YTHDC1: variants seen among roughly 807,000 people sequenced by gnomAD.
YTHDC1 encodes YTH domain-containing protein 1.
A neutral mutation model predicts 107.0 loss-of-function variants in YTHDC1; 12 were observed. The ratio of observed to expected loss-of-function variants is 0.11; its 90% CI spans 0.07 to 0.18. The LOEUF is 0.18. Among genes scored for constraint, YTHDC1 ranks in the 10% least tolerant of loss-of-function variants. The pLI is 1.00. For missense variants in YTHDC1, 635 were observed against 898.8 expected, an observed-to-expected ratio of 0.71 and a Z score of 3.75; for synonymous variants, 280 against 289.5, an observed-to-expected ratio of 0.97 and a Z score of 0.33.
intron 1 of YTHDC1, among the ~76,000 whole-genome samples, chr4:68,339,644 A>G (rs1724599462): frequency 6.6e-6 from 1 of 152,106 alleles, no homozygotes; most frequent in African/African-American, 2.4e-5. Context: ...ATGTGACAAA[A>G]TGCTAACATC....
rs370279761 is a variant in YTHDC1, at chr4:68,316,304, G to T, written c.1959+10C>A. The T allele has an allele frequency of 2.8e-5, 45 of 1,609,204 alleles. No homozygotes were observed. The African/African-American group carries it at 4.6e-4, about 16-fold the overall frequency. The stretch of plus-strand genomic sequence containing the variant: ...AGTTCCCTCACACCTTTGCCTCCTT[G>T]TGCACTTACTACTCGTTTATCTCTG... On this transcript the variant is annotated intron_variant, in intron 16 of 16. Transcript: ENST00000344157.
At chr4:68,340,295 A>C (rs1724668554) in intron 1 of YTHDC1, among the ~76,000 whole-genome samples, 1 of 152,134 alleles carries the variant, frequency 6.6e-6, no homozygotes, top group Non-Finnish European at 1.5e-5. Flanking sequence ...ACACAATCTA[A>C]AGATATCTGA....
At chr4:68,346,017 A>G (rs1158007010) in intron 1 of YTHDC1, among the ~76,000 whole-genome samples, 2 of 151,138 alleles carry the variant, frequency 1.3e-5, no homozygotes, top group Non-Finnish European at 2.9e-5. Context: ...TTGTTAAATG[A>G]CACGACTGTG....
intron 10 of YTHDC1, among the ~76,000 whole-genome samples, chr4:68,323,622 A>C (rs1191421294): frequency 6.6e-6 from 1 of 152,196 alleles, no homozygotes; most frequent in Non-Finnish European, 1.5e-5. Flanking sequence ...TAAAATTAAA[A>C]AATAAAATAA....
intron 1 of YTHDC1, chr4:68,344,204 C>T (rs983360742): frequency 1.7e-4 from 25 of 147,684 alleles, no homozygotes; most frequent in African/African-American, 6.4e-4. Flanking sequence ...AGCATGCTGG[C>T]TCTTAAAAAA....
At chr4:68,343,142 T>C (rs1725032018) in intron 1 of YTHDC1, among the ~76,000 whole-genome samples, 2 of 152,164 alleles carry the variant, frequency 1.3e-5, no homozygotes, top group Admixed American at 6.5e-5. Context: ...CACTTCACAT[T>C]GAAAGCCTTT....
chr4:68,337,589 TAGG>T lies in YTHDC1; in HGVS notation c.439_441del (p.Pro147del), dbSNP rs751051650. On this transcript the variant is annotated inframe_deletion, in exon 3 of 17. Transcript: ENST00000344157. ...TTTACTACCTCAGAACCATCTGGCG[TAGG>T]AGATTTGGCCCTCCTTTCAGGATCC... is the stretch of plus-strand genomic sequence containing the variant. 2.2e-5 allele frequency: 36 copies of T among 1,609,692 alleles called. No individual in the cohort carries two copies. The highest frequency in any genetic ancestry group is 2.8e-5 in the Non-Finnish European group (33 of 1,178,916).
At chr4:68,324,285 T>G (rs560443645) in intron 9 of YTHDC1, 62 bp from the exon 10 acceptor site, 59 of 1,415,858 alleles carry the variant, frequency 4.2e-5, no homozygotes, top group Non-Finnish European at 5.7e-5. Flanking sequence ...CTTATACTAC[T>G]TTTAGTAGTG....
chr4:68,339,887 CCCACTTCTA>C (rs1201216697), intron 1 of YTHDC1, among the ~76,000 whole-genome samples: 1 of 152,112 alleles, frequency 6.6e-6, no homozygotes, highest in Non-Finnish European at 1.5e-5. Flanking sequence ...CAGTTTTGTC[CCCACTTCTA>C]CCTTGTCCAA....
chr4:68,316,478 A>T (rs772359938), intron 15 of YTHDC1, 30 bp from the exon 16 acceptor site: 3 of 1,605,136 alleles, frequency 1.9e-6, no homozygotes. Context: ...TACATTAAGA[A>T]TCTACCAACA....
chr4:68,324,222 G>A lies in YTHDC1; in HGVS notation c.1351C>T (p.Arg451Cys), dbSNP rs1722736003. ...GVFKIDWICR[R>C]ELPFTKSAHL... is the part of the protein sequence containing the mutation. The stretch of plus-strand genomic sequence containing the variant: ...GCCGACTTAGTGAAGGGTAATTCAC[G>A]CCTAAATACAAAGTAATATCAATTA... The change falls in exon 10 of 17, where the codon CGT becomes TGT. Residue 451 changes from arginine to cysteine, a missense_variant and splice_region_variant. Transcript: ENST00000344157. The A allele has an allele frequency of 2.5e-6, 4 of 1,611,554 alleles. No individual in the cohort carries two copies. The highest frequency in any genetic ancestry group is 1.7e-4 in the Middle Eastern group (1 of 6,054).
chr4:68,342,784 C>T (rs1409378300), intron 1 of YTHDC1, among the ~76,000 whole-genome samples: 1 of 152,132 alleles, frequency 6.6e-6, no homozygotes, highest in South Asian at 2.1e-4. Flanking sequence ...CATTTTAATA[C>T]TCTCACAAGC....
chr4:68,314,407 T>C (rs1721590272), intron 16 of YTHDC1, 84 bp from the exon 17 acceptor site: 2 of 1,122,682 alleles, frequency 1.8e-6, no homozygotes, highest in East Asian at 2.7e-5. Flanking sequence ...AAAATTTATA[T>C]AAACAATTTT....
chr4:68,346,100 T>TATATATATACAC (rs144743953), intron 1 of YTHDC1, among the ~76,000 whole-genome samples: 2 of 134,134 alleles, frequency 1.5e-5, no homozygotes, highest in South Asian at 2.3e-4. Flanking sequence ...TATATATATA[T>TATATATATACAC]ACACACACAC....
At chr4:68,316,255 TAA>T in intron 16 of YTHDC1, 57 bp downstream of exon 16, 1 of 1,542,470 alleles carries the variant, frequency 6.5e-7, no homozygotes, top group Non-Finnish European at 8.8e-7. Flanking sequence ...TCCCCATATT[TAA>T]GTTACCTACA....
chr4:68,317,567 T>C (rs956937369), intron 15 of YTHDC1, among the ~76,000 whole-genome samples: 1 of 152,214 alleles, frequency 6.6e-6, no homozygotes, highest in African/African-American at 2.4e-5. Context: ...TATCTTAAAA[T>C]ATACTCTAAG....
chr4:68,349,254 G>T (rs1250828897), intron 1 of YTHDC1, among the ~76,000 whole-genome samples: 4 of 152,222 alleles, frequency 2.6e-5, no homozygotes, highest in Non-Finnish European at 4.4e-5. Context: ...GTTATTTGCA[G>T]ATATTTCTCA....
intron 1 of YTHDC1, among the ~76,000 whole-genome samples, chr4:68,340,398 C>A (rs1480104478): frequency 2.0e-5 from 3 of 151,880 alleles, no homozygotes; most frequent in African/African-American, 7.3e-5. Context: ...TGAAAACAGG[C>A]TATATGGGTT....
chr4:68,350,050 T>C lies in YTHDC1; in HGVS notation c.-297A>G, dbSNP rs1000407561. 1.9e-6 allele frequency: 1 copy of C among 530,150 alleles called. No homozygotes were observed. The allele number at this position is 530,150 out of a possible 1,614,324, so 32.8% of individuals were successfully genotyped here. A position where few individuals can be genotyped will look rare whatever the true frequency, so the allele number is the denominator to read the frequency against. ...ATGGCGACGGCGGGCGGCGCTAAAA[T>C]GGAGCCTGCTTCCTGCGCGAAACAA... On this transcript the variant is annotated 5_prime_UTR_variant, in exon 1 of 17. Transcript: ENST00000344157.
Sources: allele counts gnomAD v4.1 joint callset (sites outside exome capture counted in the v4.1 genomes callset), GRCh38; gene constraint gnomAD v4.1.1; transcripts MANE v1.5; gene names NCBI Gene and HGNC (gene_info 2026-07-23, HGNC 2026-07-21).